IKBIP: variants seen among roughly 807,000 people sequenced by gnomAD.
IKBIP encodes the protein IKBKB interacting protein, also known as inhibitor of nuclear factor kappa-B kinase-interacting protein.
Under a neutral mutation model 31.0 loss-of-function variants are expected in IKBIP, and 28 were observed. The ratio of observed to expected loss-of-function variants is 0.90; its 90% CI spans 0.67 to 1.24. The LOEUF is 1.24. Ranked by LOEUF, IKBIP falls within the 50% of genes most tolerant of loss-of-function variation. The pLI, the probability that IKBIP is intolerant of heterozygous loss-of-function variation, is 0.00. For synonymous variants in IKBIP, 164 were observed against 160.3 expected, an observed-to-expected ratio of 1.02 and a Z score of -0.17; for missense variants, 453 against 441.9, an observed-to-expected ratio of 1.03 and a Z score of -0.23.
At chr12:98,635,042 G>T (rs2097624593) in intron 1 of IKBIP, among the ~76,000 whole-genome samples, 1 of 140,310 alleles carries the variant, frequency 7.1e-6, no homozygotes, top group Non-Finnish European at 1.5e-5. Flanking sequence ...TTTTGCTCTT[G>T]TTGCCCAGGC....
In IKBIP at chr12:98,626,206, G is replaced by C. The variant is rs749577209; in HGVS notation, c.858C>G (p.Val286=). ...TTTCTGTTTCTATCAGATCCTGAGA[G>C]ACTCTGAGAACAGAGTGAATAGCAC... is the stretch of plus-strand genomic sequence containing the variant. ...IESAIHSVLR[V]SQDLIETEKK... Residue 286 remains valine, a synonymous_variant, in exon 3 of 3, where the codon GTC becomes GTG. Coordinates refer to ENST00000299157, the MANE Select transcript of IKBIP (RefSeq NM_153687.4). The C allele has an allele frequency of 3.1e-6, 5 of 1,613,694 alleles. No homozygotes were observed. The highest frequency in any genetic ancestry group is 3.4e-6 in the Non-Finnish European group (4 of 1,179,726).
downstream of IKBIP, among the ~76,000 whole-genome samples, chr12:98,620,814 C>T (rs1200649940): frequency 6.6e-6 from 1 of 151,790 alleles, no homozygotes; most frequent in Non-Finnish European, 1.5e-5. Flanking sequence ...GAGTTTGAGA[C>T]CAGCCTGGGC....
chr12:98,623,614 A>T (rs2097611817), downstream of IKBIP, among the ~76,000 whole-genome samples: 1 of 122,982 alleles, frequency 8.1e-6, no homozygotes, highest in African/African-American at 3.4e-5. Flanking sequence ...TATGTTACCC[A>T]GGCTGTCTCA....
In IKBIP at chr12:98,644,745, CA is replaced by C. The variant is rs770635496; in HGVS notation, c.-45del. The C allele has an allele frequency of 7.0e-6, 11 of 1,567,336 alleles. No homozygotes were observed. Among genetic ancestry groups the C allele is most frequent in the Admixed American group, 4.2e-5 (2 of 47,366 alleles). On this transcript the variant is annotated 5_prime_UTR_variant, in exon 1 of 3. Coordinates refer to ENST00000299157, the MANE Select transcript of IKBIP (RefSeq NM_153687.4). ...GACAAGCCCAGGGCAGCTTCTTCAC[CA>C]GGGGGAGCAGGACGTGGCCGCCTTG...
At chr12:98,623,310 C>A (rs1177180636), downstream of IKBIP, among the ~76,000 whole-genome samples, 1 of 150,800 alleles carries the variant, frequency 6.6e-6, no homozygotes, top group East Asian at 1.9e-4. Context: ...GAGACAGGGT[C>A]TTGCTCTGTC....
At chr12:98,635,145 A>C (rs376338538) in intron 1 of IKBIP, among the ~76,000 whole-genome samples, 31 of 149,048 alleles carry the variant, frequency 2.1e-4, no homozygotes, top group African/African-American at 7.4e-4. Context: ...GCTGGGATTA[A>C]AGGCACCTGC....
At chr12:98,626,941 C>A (rs2097615094) in intron 2 of IKBIP, among the ~76,000 whole-genome samples, 175 bp from the exon 3 acceptor site, 1 of 152,118 alleles carries the variant, frequency 6.6e-6, no homozygotes, top group Non-Finnish European at 1.5e-5. Flanking sequence ...TAATAGTTTT[C>A]ACAAATACGT....
chr12:98,623,551 C>A (rs903744106), downstream of IKBIP, among the ~76,000 whole-genome samples: 5 of 145,788 alleles, frequency 3.4e-5, no homozygotes, highest in African/African-American at 1.3e-4. Flanking sequence ...GGCCTTACTC[C>A]TCCTTACACT....
At chr12:98,614,026 C>G (rs770014623) in exon 3 of IKBIP, 9 of 1,608,826 alleles carry the variant, frequency 5.6e-6, no homozygotes, top group Non-Finnish European at 7.6e-6. Flanking sequence ...TTTCTACTTT[C>G]TCTATTTTAT....
chr12:98,644,717 G>A lies in IKBIP; in HGVS notation c.-16C>T, dbSNP rs79512170. 16,116 of 1,598,716 alleles carry A rather than the reference G, an allele frequency of 0.01. 115 individuals are homozygous for A. Among genetic ancestry groups the A allele is most frequent in the Middle Eastern group, 0.031 (188 of 6,000 alleles). On this transcript the variant is annotated 5_prime_UTR_variant, in exon 1 of 3. Transcript: ENST00000299157. ...CCTCAGACATGTCTGGAGACCCTAG[G>A]ACGACAAGCCCAGGGCAGCTTCTTC...
At chr12:98,628,796 T>G (rs1481368009) in intron 2 of IKBIP, among the ~76,000 whole-genome samples, 1 of 152,134 alleles carries the variant, frequency 6.6e-6, no homozygotes, top group Admixed American at 6.6e-5. Context: ...GTACCCTGTG[T>G]GAGGTAGTTC....
intron 1 of IKBIP, among the ~76,000 whole-genome samples, chr12:98,643,943 G>C (rs1405273957): frequency 1.3e-5 from 2 of 151,764 alleles, no homozygotes; most frequent in Non-Finnish European, 2.9e-5. Context: ...AGCCTCCGGA[G>C]GAACTGGGAC....
chr12:98,632,280 G>C, intron 2 of IKBIP, among the ~76,000 whole-genome samples: 1 of 150,900 alleles, frequency 6.6e-6, no homozygotes. Context: ...ACCAGCCTGG[G>C]CAATGTAGCA....
At chr12:98,623,616 G>A (rs1243652478), downstream of IKBIP, among the ~76,000 whole-genome samples, 1 of 135,448 alleles carries the variant, frequency 7.4e-6, no homozygotes, top group Non-Finnish European at 1.5e-5. Flanking sequence ...TGTTACCCAG[G>A]CTGTCTCAAA....
At chr12:98,644,037 G>A (rs1339010664) in intron 1 of IKBIP, among the ~76,000 whole-genome samples, 5 of 151,988 alleles carry the variant, frequency 3.3e-5, no homozygotes, top group Non-Finnish European at 5.9e-5. Flanking sequence ...GGCTAGTCTC[G>A]AACTCCTGAC....
Position 98,644,562 on chromosome 12 carries a change from A to AGGCACGTTCGGGGGTCTGCCC in IKBIP, c.119_139dup (p.Cys46_Leu47insArgAlaAspProArgThrCys), listed in dbSNP as rs1308423007. Reference sequence around the variant, plus strand: ...GCACGTCCCCAGCGACAGCAGGCTCAGGCACGTTCGGGGGTCTGCCCAGCC... The same window carrying AGGCACGTTCGGGGGTCTGCCC: ...GCACGTCCCCAGCGACAGCAGGCTCAGGCACGTTCGGGGGTCTGCCCGGCACGTTCGGGGGTCTGCCCAGCC... On this transcript the variant is annotated inframe_insertion, in exon 1 of 3. Transcript: ENST00000299157. 3.7e-6 allele frequency: 6 copies of AGGCACGTTCGGGGGTCTGCCC among 1,608,046 alleles called. No homozygotes were observed. The highest frequency in any genetic ancestry group is 1.1e-5 in the South Asian group (1 of 90,580).
chr12:98,624,382 T>G lies in IKBIP; in HGVS notation c.*1548A>C. On this transcript the variant is annotated 3_prime_UTR_variant, in exon 3 of 3. Coordinates refer to ENST00000299157, the MANE Select transcript of IKBIP (RefSeq NM_153687.4). ...CTGCAAAAATTAATGCTATGCCCCTTAATAACAGAACTCTCCAGGCTTATT... is the reference window on the plus strand; with the variant it reads ...CTGCAAAAATTAATGCTATGCCCCTGAATAACAGAACTCTCCAGGCTTATT... 1.0e-6 allele frequency: 1 copy of G among 985,370 alleles called. No individual in the cohort carries two copies. Among genetic ancestry groups the G allele is most frequent in the South Asian group, 4.7e-5 (1 of 21,284 alleles). 61.0% of individuals were successfully genotyped at this position (985,370 alleles called of 1,614,324 possible).
At chr12:98,633,760 G>A (rs1293185890) in intron 2 of IKBIP, among the ~76,000 whole-genome samples, 4 of 151,910 alleles carry the variant, frequency 2.6e-5, no homozygotes, top group Non-Finnish European at 5.9e-5. Context: ...CAAGTGATTT[G>A]CCTGGCTCAG....
exon 3 of IKBIP, chr12:98,613,876 G>A: frequency 6.2e-7 from 1 of 1,613,086 alleles, no homozygotes; most frequent in East Asian, 2.2e-5. Flanking sequence ...CTGTATGTTT[G>A]TCGAAGTCAC....
Sources: gnomAD v4.1 joint callset for allele counts (sites outside exome capture counted in the v4.1 genomes callset) on GRCh38, gnomAD v4.1.1 for gene constraint, MANE v1.5 for transcripts, NCBI Gene and HGNC (gene_info 2026-07-23, HGNC 2026-07-21) for gene names.